TENT4A: variants seen among roughly 807,000 people sequenced by gnomAD.
TENT4A encodes the protein terminal nucleotidyltransferase 4A.
Under a neutral mutation model 72.8 loss-of-function variants are expected in TENT4A, and 7 were observed. That is an observed-to-expected ratio of 0.10 (90% CI 0.05 to 0.18). The LOEUF is 0.18. Among genes scored for constraint, TENT4A ranks in the 10% least tolerant of loss-of-function variants. The pLI, the probability that TENT4A is intolerant of heterozygous loss-of-function variation, is 1.00. For missense variants in TENT4A, 831 were observed against 1,017.7 expected, an observed-to-expected ratio of 0.82 and a Z score of 2.50; for synonymous variants, 456 against 434.3, an observed-to-expected ratio of 1.05 and a Z score of -0.62.
chr5:6,754,666 C>T lies in TENT4A; in HGVS notation c.2185-85C>T, dbSNP rs28381434. The T allele has an allele frequency of 8.4e-3, 8,904 of 1,054,366 alleles. 186 individuals carry two copies. The highest frequency in any genetic ancestry group is 0.074 in the African/African-American group (4,642 of 62,554). The allele number at this position is 1,054,366 out of a possible 1,614,324, so 65.3% of individuals were successfully genotyped here. A position where few individuals can be genotyped will look rare whatever the true frequency, so the allele number is the denominator to read the frequency against. On this transcript the variant is annotated intron_variant, in intron 12 of 12. Coordinates refer to ENST00000230859, the MANE Select transcript of TENT4A (RefSeq NM_006999.6). ...CCCTGCTCTCTATGTAACATCACGT[C>T]GGTGCTTAGTGTGGTCACTGCCCGA...
chr5:6,716,270 G>T (rs1050057343), intron 1 of TENT4A, among the ~76,000 whole-genome samples: 1 of 152,062 alleles, frequency 6.6e-6, no homozygotes, highest in African/African-American at 2.4e-5. Context: ...TCTGGGGCAG[G>T]GACGGCATGG....
chr5:6,751,164 T>G lies in TENT4A; in HGVS notation c.1986T>G (p.Thr662=). The part of the protein sequence containing the change: ...PMPSGKPQPT[T]SRTLIMTTNN... Reference sequence around the variant, plus strand: ...CCAGTGGCAAACCTCAGCCCACCACTTCCAGAACACTGATCATGACAACCA... The same window carrying G: ...CCAGTGGCAAACCTCAGCCCACCACGTCCAGAACACTGATCATGACAACCA... The change falls in exon 11 of 13, where the codon ACT becomes ACG. Residue 662 remains threonine (T), a synonymous_variant. Coordinates refer to ENST00000230859, the MANE Select transcript of TENT4A (RefSeq NM_006999.6). 1 of 1,614,202 alleles carries G rather than the reference T, an allele frequency of 6.2e-7. No homozygotes were observed. Among genetic ancestry groups the G allele is most frequent in the Non-Finnish European group, 8.5e-7 (1 of 1,180,028 alleles).
intron 6 of TENT4A, among the ~76,000 whole-genome samples, chr5:6,745,131 C>T (rs1193484416): frequency 6.6e-6 from 1 of 152,198 alleles, no homozygotes; most frequent in East Asian, 1.9e-4. Context: ...GGAGGAGGCC[C>T]ACCCTGGCAC....
intron 12 of TENT4A, among the ~76,000 whole-genome samples, chr5:6,754,066 A>G (rs1213946887): frequency 6.6e-6 from 1 of 152,182 alleles, no homozygotes; most frequent in African/African-American, 2.4e-5. Context: ...GCATGCTGGG[A>G]TCGACAGGCT....
chr5:6,730,313 A>T (rs1214439479), intron 1 of TENT4A, among the ~76,000 whole-genome samples: 3 of 152,182 alleles, frequency 2.0e-5, no homozygotes, highest in Non-Finnish European at 1.5e-5. Context: ...AGGGGAAAAA[A>T]GGCTTACATT....
chr5:6,752,944 A>T lies in TENT4A; in HGVS notation c.2091A>T (p.Gly697=), dbSNP rs1460941455. ...CTTGCAGACAAGCTGGTGTAGAAGG[A>T]ACTGCGTCTTTGAAAGCCGTCCACC... ...PVPCRQAGVE[G]TASLKAVHHM... is the part of the protein sequence containing the mutation. The change falls in exon 12 of 13, where the codon GGA becomes GGT. Residue 697 remains glycine, a synonymous_variant. Transcript: ENST00000230859. The T allele has an allele frequency of 6.2e-7, 1 of 1,613,912 alleles. No homozygotes were observed. The highest frequency in any genetic ancestry group is 1.7e-5 in the Admixed American group (1 of 59,984).
At chr5:6,747,421 A>C (rs1176829187) in intron 7 of TENT4A, among the ~76,000 whole-genome samples, 1 of 152,104 alleles carries the variant, frequency 6.6e-6, no homozygotes, top group Non-Finnish European at 1.5e-5. Context: ...GCTCCTATAC[A>C]TTTAAAAAAA....
chr5:6,755,867 G>T lies in TENT4A; in HGVS notation c.*922G>T, dbSNP rs1408873317. On this transcript the variant is annotated 3_prime_UTR_variant, in exon 13 of 13. Coordinates refer to ENST00000230859, the MANE Select transcript of TENT4A (RefSeq NM_006999.6). ...GAAGTATAACTTTCTAAGGAGAGAA[G>T]GGTTGTCACATTATAAAATCTTTAG... 1 of 152,250 alleles carries T rather than the reference G, an allele frequency of 6.6e-6. No individual in the cohort carries two copies. Among genetic ancestry groups the T allele is most frequent in the African/African-American group, 2.4e-5 (1 of 41,480 alleles). The allele number at this position is 152,250 out of a possible 1,614,324, so 9.4% of individuals were successfully genotyped here. A position where few individuals can be genotyped will look rare whatever the true frequency, so the allele number is the denominator to read the frequency against.
At chr5:6,751,906 A>G (rs947184189) in intron 11 of TENT4A, among the ~76,000 whole-genome samples, 6 of 152,156 alleles carry the variant, frequency 3.9e-5, no homozygotes, top group African/African-American at 1.4e-4. Flanking sequence ...GCTCTGGGGA[A>G]GACATTCTCA....
At chr5:6,717,986 A>G (rs936014290) in intron 1 of TENT4A, among the ~76,000 whole-genome samples, 1 of 152,226 alleles carries the variant, frequency 6.6e-6, no homozygotes, top group Non-Finnish European at 1.5e-5. Flanking sequence ...ACGAGGACAC[A>G]TGCAGGTGTC....
intron 4 of TENT4A, 111 bp downstream of exon 4, chr5:6,739,963 T>C: frequency 1.9e-6 from 2 of 1,074,630 alleles, no homozygotes; most frequent in Non-Finnish European, 2.7e-6. Context: ...AGTTATTGGC[T>C]ACAGTTTTGA....
Position 6,714,453 on chromosome 5 carries a change from C to T in TENT4A, c.470C>T (p.Pro157Leu). ...TTCTTCAACTTCGCCGACGGCGCGC[C>T]CAGCGCCCCTGGCACAGCCAACGGG... ...GAFFNFADGAPSAPGTANGHP... is the reference protein window; with the variant it reads ...GAFFNFADGALSAPGTANGHP... Residue 157 changes from proline to leucine, a missense_variant, in exon 1 of 13, where the codon CCC (proline) becomes CTC (leucine). Pro to Leu is a moderately conservative substitution (Grantham distance 98, BLOSUM62 -3). Coordinates refer to ENST00000230859, the MANE Select transcript of TENT4A (RefSeq NM_006999.6). 1 of 1,176,802 alleles carries T rather than the reference C, an allele frequency of 8.5e-7. No individual in the cohort carries two copies. The highest frequency in any genetic ancestry group is 1.0e-6 in the Non-Finnish European group (1 of 952,784). 72.9% of individuals were successfully genotyped at this position (1,176,802 alleles called of 1,614,324 possible).
intron 5 of TENT4A, among the ~76,000 whole-genome samples, chr5:6,743,443 C>G (rs2126643178): frequency 6.6e-6 from 1 of 152,268 alleles, no homozygotes. Context: ...TTCCTGAGTT[C>G]CTTTGTGCCT....
At chr5:6,719,385 A>G (rs895380594) in intron 1 of TENT4A, among the ~76,000 whole-genome samples, 1 of 152,224 alleles carries the variant, frequency 6.6e-6, no homozygotes, top group Admixed American at 6.5e-5. Context: ...GCAAACCTTG[A>G]TATTCAAATT....
chr5:6,751,216 C>T lies in TENT4A; in HGVS notation c.2019+19C>T, dbSNP rs751731862. Reference sequence around the variant, plus strand: ...CAATCAGGTACGTGGCCCTCTGGCACCCTTCCCGCTGGTGGCCCCTGGGAA... The same window carrying T: ...CAATCAGGTACGTGGCCCTCTGGCATCCTTCCCGCTGGTGGCCCCTGGGAA... On this transcript the variant is annotated intron_variant, in intron 11 of 12. Transcript: ENST00000230859. 8 of 1,613,872 alleles carry T rather than the reference C, an allele frequency of 5.0e-6. No individual in the cohort carries two copies. The South Asian group carries it at 7.7e-5, about 16-fold the overall frequency.
intron 9 of TENT4A, 31 bp from the exon 10 acceptor site, chr5:6,750,300 A>G (rs772360946): frequency 3.8e-6 from 6 of 1,583,808 alleles, no homozygotes; most frequent in Non-Finnish European, 1.7e-6. Flanking sequence ...AGTTCTCAGG[A>G]GTTATTAACC....
At chr5:6,746,773 C>T (rs960046288) in intron 7 of TENT4A, among the ~76,000 whole-genome samples, 3 of 152,158 alleles carry the variant, frequency 2.0e-5, no homozygotes, top group African/African-American at 7.2e-5. Flanking sequence ...TTTATTTGGA[C>T]ATGTATTTCT....
chr5:6,753,914 G>A (rs908799584), intron 12 of TENT4A, among the ~76,000 whole-genome samples: 4 of 152,192 alleles, frequency 2.6e-5, no homozygotes, highest in Non-Finnish European at 5.9e-5. Context: ...TTGCATTTTG[G>A]CTTTGCTTTC....
At chr5:6,722,003 GA>G (rs1442543226) in intron 1 of TENT4A, among the ~76,000 whole-genome samples, 2 of 152,206 alleles carry the variant, frequency 1.3e-5, no homozygotes, top group Admixed American at 6.5e-5. Context: ...TAAGGGAAAT[GA>G]AAAGTCGAAT....
Sources: allele counts gnomAD v4.1 joint callset (sites outside exome capture counted in the v4.1 genomes callset), GRCh38; gene constraint gnomAD v4.1.1; transcripts MANE v1.5; gene names NCBI Gene and HGNC (gene_info 2026-07-23, HGNC 2026-07-21).